Variants in ZCCHC24 observed in about 807,000 individuals in gnomAD.
The protein encoded by ZCCHC24 is zinc finger CCHC domain-containing protein 24.
Under a neutral mutation model 26.2 loss-of-function variants are expected in ZCCHC24, and 10 were observed. The ratio of observed to expected loss-of-function variants is 0.38; its 90% CI spans 0.24 to 0.65. ZCCHC24 has a LOEUF of 0.65. Among genes scored for constraint, ZCCHC24 ranks in the 30% least tolerant of loss-of-function variants. The pLI is 0.54. For synonymous variants in ZCCHC24, 144 were observed against 147.1 expected (o/e 0.98, Z 0.15); for missense variants, 243 against 329.1 (o/e 0.74, Z 2.03).
chr10:79,418,392 C>T (rs190634568), intron 2 of ZCCHC24, among the ~76,000 whole-genome samples: 2 of 152,258 alleles, frequency 1.3e-5, no homozygotes, highest in East Asian at 3.9e-4. Flanking sequence ...GCCTTCTGAC[C>T]CCAAGGCCAT....
At chr10:79,409,148 T>G (rs1856758025) in intron 2 of ZCCHC24, 1 of 152,332 alleles carries the variant, frequency 6.6e-6, no homozygotes, top group South Asian at 2.1e-4. Context: ...AATAGTTCCA[T>G]GAGTAGACAG....
chr10:79,396,093 G>C (rs1219120517), intron 2 of ZCCHC24, among the ~76,000 whole-genome samples: 1 of 152,168 alleles, frequency 6.6e-6, no homozygotes, highest in African/African-American at 2.4e-5. Context: ...TTTAATATAA[G>C]TAGAAACATA....
chr10:79,432,765 G>A lies in ZCCHC24; in HGVS notation c.247-7C>T, dbSNP rs752918163. On this transcript the variant is annotated splice_polypyrimidine_tract_variant and splice_region_variant and intron_variant, in intron 1 of 3. Transcript: ENST00000372336. ...ACACACTGTTGCTCAGCGCCTGTGG[G>A]AGACAGAGGCACATATACTACAGCC... is the stretch of plus-strand genomic sequence containing the variant. 41 of 1,607,874 alleles carry A rather than the reference G, an allele frequency of 2.5e-5. No individual in the cohort carries two copies. The South Asian group carries it at 4.0e-4, about 16-fold the overall frequency.
At chr10:79,426,372 G>T (rs1292961673) in intron 2 of ZCCHC24, among the ~76,000 whole-genome samples, 1 of 152,234 alleles carries the variant, frequency 6.6e-6, no homozygotes, top group Non-Finnish European at 1.5e-5. Context: ...TCTCACAGAA[G>T]GAGAGGAGAT....
chr10:79,445,066 CAAGCCGGGCCCGGCAATGCG>C (rs1251588359), intron 1 of ZCCHC24, 109 bp downstream of exon 1: 3 of 1,006,558 alleles, frequency 3.0e-6, no homozygotes, highest in East Asian at 6.6e-5. Context: ...GAAGCCAAGC[CAAGCCGGGCCCGGCAATGCG>C]GAGCCGGGCC....
intron 3 of ZCCHC24, among the ~76,000 whole-genome samples, chr10:79,393,035 C>A (rs1856500630): frequency 6.6e-6 from 1 of 152,170 alleles, no homozygotes; most frequent in Non-Finnish European, 1.5e-5. Flanking sequence ...CCCCCTGGTT[C>A]TCCTTCTCCT....
rs150383889 is a variant in ZCCHC24 at position 79,392,373 on chromosome 10, C to T, written c.612+1903G>A. Among the ~76,000 whole-genome samples, 1,012 of 152,316 alleles carry T rather than the reference C, an allele frequency of 6.6e-3. 12 individuals are homozygous for T. The highest frequency in any genetic ancestry group is 0.031 in the Middle Eastern group (9 of 294). ...CTTGCTCATCCTTCCTCAAGCCCGC[C>T]CCAGCCCGCTTGTCTCCCATTCACT... On this transcript the variant is annotated intron_variant, in intron 3 of 3. Coordinates refer to ENST00000372336, the MANE Select transcript of ZCCHC24 (RefSeq NM_153367.4).
At chr10:79,417,921 C>G (rs1163576408) in intron 2 of ZCCHC24, among the ~76,000 whole-genome samples, 1 of 152,194 alleles carries the variant, frequency 6.6e-6, no homozygotes, top group Non-Finnish European at 1.5e-5. Flanking sequence ...TCCTCTAACC[C>G]ACAGGCTGGG....
rs544558065 is a variant in ZCCHC24 at position 79,383,619 on chromosome 10, T to A, written c.*2726A>T. The A allele has an allele frequency of 1.4e-5, 2 of 145,844 alleles. No individual in the cohort carries two copies. Among genetic ancestry groups the A allele is most frequent in the East Asian group, 4.1e-4 (2 of 4,838 alleles). The allele number at this position is 145,844 out of a possible 1,614,324, so 9.0% of individuals were successfully genotyped here. ...TTTAATCTCAAAAATCAAACAATTATATTTTTCTTTTCTTTTTTTTTTTTT... is the reference window on the plus strand; with the variant it reads ...TTTAATCTCAAAAATCAAACAATTAAATTTTTCTTTTCTTTTTTTTTTTTT... On this transcript the variant is annotated 3_prime_UTR_variant, in exon 4 of 4. Coordinates refer to ENST00000372336, the MANE Select transcript of ZCCHC24 (RefSeq NM_153367.4).
chr10:79,444,217 G>A, intron 1 of ZCCHC24: 1 of 1,496,732 alleles, frequency 6.7e-7, no homozygotes, highest in Non-Finnish European at 8.9e-7. Flanking sequence ...GCCACAGATG[G>A]GTGTCTGAAA....
chr10:79,430,467 C>A (rs1015662725), intron 2 of ZCCHC24, among the ~76,000 whole-genome samples: 1 of 151,798 alleles, frequency 6.6e-6, no homozygotes, highest in Admixed American at 6.6e-5. Context: ...ACATTCTGCC[C>A]TCTCCACCTC....
chr10:79,412,012 C>T (rs1035090407), intron 2 of ZCCHC24, among the ~76,000 whole-genome samples: 1 of 152,190 alleles, frequency 6.6e-6, no homozygotes, highest in African/African-American at 2.4e-5. Context: ...GCCAGAATCT[C>T]GCGAGTGGGA....
chr10:79,403,427 C>T (rs1330771294), intron 2 of ZCCHC24: 5 of 985,362 alleles, frequency 5.1e-6, no homozygotes, highest in Admixed American at 1.2e-4. Context: ...ACTCACATGT[C>T]CACATGCACG....
chr10:79,404,048 G>T (rs932375947), intron 2 of ZCCHC24, among the ~76,000 whole-genome samples: 4 of 151,928 alleles, frequency 2.6e-5, no homozygotes, highest in African/African-American at 7.3e-5. Flanking sequence ...GGAGAAGGGG[G>T]GACAGGGTGC....
In ZCCHC24 at chr10:79,436,350, C is replaced by CT. The variant is rs531999859; in HGVS notation, c.247-3593dup. Among the ~76,000 whole-genome samples the CT allele has an allele frequency of 3.8e-4, 58 of 152,284 alleles. 1 individual carries two copies. In the East Asian group the frequency reaches 9.1e-3, roughly 24 times the overall value. ...TGTGGCCTTGACCTCATCCTTTCCC[C>CT]TTACTCAGGCCTCAGGCTCCAAGGA... On this transcript the variant is annotated intron_variant, in intron 1 of 3. Coordinates refer to ENST00000372336, the MANE Select transcript of ZCCHC24 (RefSeq NM_153367.4).
At chr10:79,430,712 A>ACACACACACACACACACACACACC (rs1311631405) in intron 2 of ZCCHC24, among the ~76,000 whole-genome samples, 8 of 149,126 alleles carry the variant, frequency 5.4e-5, no homozygotes, top group African/African-American at 1.5e-4. Context: ...ACACACACAC[A>ACACACACACACACACACACACACC]CCCTCTGCTA....
chr10:79,394,523 A>G, intron 2 of ZCCHC24, 83 bp from the exon 3 acceptor site: 1 of 1,550,544 alleles, frequency 6.4e-7, no homozygotes, highest in Non-Finnish European at 8.7e-7. Context: ...CCTCCGCCTC[A>G]GTCTTCATGT....
intron 2 of ZCCHC24, among the ~76,000 whole-genome samples, chr10:79,425,326 C>T (rs984861383): frequency 3.3e-5 from 5 of 152,272 alleles, no homozygotes; most frequent in African/African-American, 7.2e-5. Flanking sequence ...TCCCAACCCA[C>T]TCCTGACCTG....
At position 79,382,383 on chromosome 10, in the gene ZCCHC24, C is replaced by A; in HGVS notation, c.*3962G>T. On this transcript the variant is annotated 3_prime_UTR_variant, in exon 4 of 4. Transcript: ENST00000372336. ...AAGAGGCTATATTTCTATAGGCGAG[C>A]CGTATACAGATTCTCCAGGAATAAG... is the stretch of plus-strand genomic sequence containing the variant. 6.5e-6 allele frequency: 1 copy of A among 152,922 alleles called. No individual in the cohort carries two copies. The highest frequency in any genetic ancestry group is 1.5e-5 in the Non-Finnish European group (1 of 68,042). 9.5% of individuals were successfully genotyped at this position (152,922 alleles called of 1,614,324 possible).
Sources: gnomAD v4.1 joint callset for allele counts (sites outside exome capture counted in the v4.1 genomes callset) on GRCh38, gnomAD v4.1.1 for gene constraint, MANE v1.5 for transcripts, NCBI Gene and HGNC (gene_info 2026-07-23, HGNC 2026-07-21) for gene names.